Variants in CACNG2 observed in about 807,000 individuals in gnomAD.
CACNG2 encodes calcium voltage-gated channel auxiliary subunit gamma 2, also known as voltage-dependent calcium channel gamma-2 subunit.
Under a neutral mutation model 25.9 loss-of-function variants are expected in CACNG2, and 3 were observed. The observed-to-expected ratio is 0.12, with a 90% CI of 0.05 to 0.30. The LOEUF (loss-of-function observed/expected upper bound fraction) is 0.30, where lower values mean the gene tolerates loss of function less well. CACNG2 is among the 10% of genes least tolerant of loss of function. The pLI is 1.00. For synonymous variants in CACNG2, 167 were observed against 173.3 expected (o/e 0.96, Z 0.29); for missense variants, 341 against 432.5 (o/e 0.79, Z 1.88).
chr22:36,578,306 C>T (rs949944101), intron 2 of CACNG2, among the ~76,000 whole-genome samples: 2 of 147,910 alleles, frequency 1.4e-5, no homozygotes, highest in Non-Finnish European at 3.0e-5. Context: ...TGCAGTGAGC[C>T]GAGATGGCAC....
chr22:36,702,219 A>G, intron 1 of CACNG2, 147 bp downstream of exon 1: 1 of 636,916 alleles, frequency 1.6e-6, no homozygotes, highest in Middle Eastern at 4.2e-4. Flanking sequence ...CTCTGAAACT[A>G]ACCCAACCAA....
At position 36,658,592 on chromosome 22, in the gene CACNG2, C is replaced by T. The variant is rs529036594; in HGVS notation, c.211+43774G>A. Among the ~76,000 whole-genome samples the T allele has an allele frequency of 2.0e-5, 3 of 152,322 alleles. No homozygotes were observed. In the East Asian group the frequency reaches 5.8e-4, roughly 29 times the overall value. ...GGGTGGGATTTAAGCCTGTCTTCCT[C>T]ATCCATCTCTTTTTAAATTCCTTCC... On this transcript the variant is annotated intron_variant, in intron 1 of 3. Transcript: ENST00000300105.
intron 1 of CACNG2, among the ~76,000 whole-genome samples, chr22:36,659,818 C>T (rs973686351): frequency 1.2e-4 from 19 of 152,130 alleles, no homozygotes; most frequent in Admixed American, 4.6e-4. Flanking sequence ...AATATCTGCG[C>T]GGCCCCTCCC....
intron 1 of CACNG2, among the ~76,000 whole-genome samples, chr22:36,617,416 G>A (rs1263542492): frequency 6.6e-6 from 1 of 152,032 alleles, no homozygotes; most frequent in African/African-American, 2.4e-5. Context: ...TTGCTCAGAG[G>A]AGGGAACTAA....
chr22:36,568,237 G>A (rs970827557), intron 2 of CACNG2, among the ~76,000 whole-genome samples: 2 of 152,144 alleles, frequency 1.3e-5, no homozygotes, highest in African/African-American at 4.8e-5. Context: ...CCCAGGGATT[G>A]GTCAGGGAGG....
chr22:36,589,950 A>G (rs1378912739), intron 1 of CACNG2, among the ~76,000 whole-genome samples: 1 of 152,158 alleles, frequency 6.6e-6, no homozygotes, highest in East Asian at 1.9e-4. Context: ...TTTTCTTTCA[A>G]TTCAATCTGA....
chr22:36,598,471 A>T (rs1935708115), intron 1 of CACNG2, among the ~76,000 whole-genome samples: 1 of 150,898 alleles, frequency 6.6e-6, no homozygotes, highest in South Asian at 2.1e-4. Context: ...TACAAAAATT[A>T]GCCGGGCTTG....
intron 1 of CACNG2, among the ~76,000 whole-genome samples, chr22:36,623,769 A>G (rs892349356): frequency 6.6e-6 from 1 of 151,998 alleles, no homozygotes; most frequent in Non-Finnish European, 1.5e-5. Context: ...TACTATTAGT[A>G]TCATTCATTA....
At chr22:36,662,067 C>T (rs947839474) in intron 1 of CACNG2, among the ~76,000 whole-genome samples, 1 of 149,236 alleles carries the variant, frequency 6.7e-6, no homozygotes, top group African/African-American at 2.5e-5. Context: ...GCAAGCTCCA[C>T]CTCCCAGGTC....
intron 1 of CACNG2, among the ~76,000 whole-genome samples, chr22:36,645,783 T>C (rs1417545705): frequency 6.6e-6 from 1 of 152,212 alleles, no homozygotes; most frequent in Non-Finnish European, 1.5e-5. Context: ...GGTTTCTTCT[T>C]TCACTTTTGC....
At chr22:36,570,721 C>A (rs1327535464) in intron 2 of CACNG2, among the ~76,000 whole-genome samples, 1 of 149,244 alleles carries the variant, frequency 6.7e-6, no homozygotes, top group African/African-American at 2.5e-5. Context: ...TGAGATCGCG[C>A]CACTGCACCC....
chr22:36,694,915 C>A (rs761925691), intron 1 of CACNG2, among the ~76,000 whole-genome samples: 8 of 152,164 alleles, frequency 5.3e-5, no homozygotes, highest in Non-Finnish European at 1.2e-4. Context: ...GCAAAAGCAG[C>A]ATGGCAAAGC....
At chr22:36,576,904 A>G (rs1935326465) in intron 2 of CACNG2, among the ~76,000 whole-genome samples, 2 of 152,196 alleles carry the variant, frequency 1.3e-5, no homozygotes, top group African/African-American at 4.8e-5. Context: ...CGTGTGCTAT[A>G]TATAATAGCA....
chr22:36,667,617 G>C (rs969062327), intron 1 of CACNG2, among the ~76,000 whole-genome samples: 1 of 152,134 alleles, frequency 6.6e-6, no homozygotes, highest in East Asian at 1.9e-4. Flanking sequence ...TGGGAGATAC[G>C]GAACCCACGG....
Position 36,607,586 on chromosome 22 carries a change from G to T in CACNG2, c.212-20038C>A, listed in dbSNP as rs192860797. Among the ~76,000 whole-genome samples the T allele has an allele frequency of 7.1e-4, 108 of 152,240 alleles. 1 individual carries two copies. Among genetic ancestry groups the T allele is most frequent in the African/African-American group, 2.5e-3 (105 of 41,518 alleles). On this transcript the variant is annotated intron_variant, in intron 1 of 3. Coordinates refer to ENST00000300105, the MANE Select transcript of CACNG2 (RefSeq NM_006078.5). ...TCACATATGTATATTCAGTTTTGTG[G>T]CATAGAGTCAAGCCAGAGTGCTCAA...
intron 1 of CACNG2, among the ~76,000 whole-genome samples, chr22:36,641,610 T>A (rs1039740035): frequency 3.3e-5 from 5 of 152,240 alleles, no homozygotes; most frequent in Admixed American, 6.5e-5. Context: ...CTTCACTTGC[T>A]AAGAAATTTT....
chr22:36,657,380 CG>C (rs1936722293), intron 1 of CACNG2, among the ~76,000 whole-genome samples: 1 of 152,024 alleles, frequency 6.6e-6, no homozygotes, highest in Admixed American at 6.6e-5. Context: ...ATATGGAATC[CG>C]GCCTCAAAGG....
intron 1 of CACNG2, among the ~76,000 whole-genome samples, chr22:36,632,387 T>G (rs1423610279): frequency 2.6e-5 from 4 of 152,080 alleles, no homozygotes; most frequent in African/African-American, 9.7e-5. Context: ...TGCCATCAAG[T>G]TGGTCCTGTG....
intron 1 of CACNG2, among the ~76,000 whole-genome samples, chr22:36,670,921 C>CTT (rs746898344): frequency 2.2e-4 from 29 of 132,938 alleles, no homozygotes; most frequent in East Asian, 6.6e-4. Flanking sequence ...AGTCTATATT[C>CTT]TTTTTTTTTT....
Sources: allele counts gnomAD v4.1 joint callset (sites outside exome capture counted in the v4.1 genomes callset), GRCh38; gene constraint gnomAD v4.1.1; transcripts MANE v1.5; gene names NCBI Gene and HGNC (gene_info 2026-07-23, HGNC 2026-07-21).